The following FAM135B variants were observed in gnomAD, a reference collection of about 807,000 sequenced individuals.
FAM135B encodes family with sequence similarity 135 member B.
A neutral mutation model predicts 127.7 loss-of-function variants in FAM135B; 43 were observed. The ratio of observed to expected loss-of-function variants is 0.34; its 90% CI spans 0.26 to 0.43. The LOEUF (loss-of-function observed/expected upper bound fraction) is 0.43. FAM135B is among the 20% of genes least tolerant of loss of function. FAM135B has a pLI of 1.00. For missense variants in FAM135B, 1,558 were observed against 1,725.6 expected (o/e 0.90, Z 1.72); for synonymous variants, 670 against 665.1 (o/e 1.01, Z -0.11).
rs530786580 is a variant in FAM135B at position 138,452,424 on chromosome 8, A to G, written c.-20+44247T>C. ...GCATGAGCCACCTCGCCTGGCCCCA[A>G]TCTGCTTTTCAAAGTGGAGGTGACC... On this transcript the variant is annotated intron_variant, in intron 1 of 19. Coordinates refer to ENST00000395297, the MANE Select transcript of FAM135B (RefSeq NM_015912.4). Among the ~76,000 whole-genome samples, 441 of 152,154 alleles carry G rather than the reference A, an allele frequency of 2.9e-3. 1 individual carries two copies. The highest frequency in any genetic ancestry group is 0.01 in the African/African-American group (426 of 41,518).
chr8:138,274,956 T>C (rs1451484208), intron 3 of FAM135B, among the ~76,000 whole-genome samples: 1 of 151,636 alleles, frequency 6.6e-6, no homozygotes, highest in Non-Finnish European at 1.5e-5. Context: ...TTAATGCAAT[T>C]ATTACAGGGT....
intron 1 of FAM135B, among the ~76,000 whole-genome samples, chr8:138,378,701 A>T (rs1363339010): frequency 6.6e-6 from 1 of 151,970 alleles, no homozygotes; most frequent in Non-Finnish European, 1.5e-5. Flanking sequence ...TCTTTCCTTC[A>T]ATATAGAAAT....
chr8:138,203,909 A>G (rs1304614462), intron 7 of FAM135B, among the ~76,000 whole-genome samples: 1 of 152,312 alleles, frequency 6.6e-6, no homozygotes, highest in East Asian at 1.9e-4. Flanking sequence ...GATTCTCATA[A>G]GGAATGGGCA....
intron 2 of FAM135B, among the ~76,000 whole-genome samples, chr8:138,363,530 G>A (rs76897054): frequency 0.032 from 4,887 of 152,166 alleles, 155 homozygotes; most frequent in East Asian, 0.17. Flanking sequence ...GGGTGATATC[G>A]TATGATTCTT....
At chr8:138,235,321 A>T (rs1274066657) in intron 7 of FAM135B, among the ~76,000 whole-genome samples, 1 of 152,212 alleles carries the variant, frequency 6.6e-6, no homozygotes. Flanking sequence ...CTGCATCACA[A>T]ACCCCTTGCA....
intron 2 of FAM135B, among the ~76,000 whole-genome samples, chr8:138,344,577 C>CTTTTTTTTTTT (rs869039075): frequency 2.6e-4 from 22 of 83,940 alleles, no homozygotes; most frequent in African/African-American, 3.9e-4. Context: ...TTCTTTCTTT[C>CTTTTTTTTTTT]TTTTTTTTTT....
chr8:138,437,458 T>C (rs1427335022), intron 1 of FAM135B: 1 of 152,204 alleles, frequency 6.6e-6, no homozygotes, highest in Non-Finnish European at 1.5e-5. Context: ...CTTCACTCGA[T>C]ACCTCTCCTT....
chr8:138,218,041 C>T (rs1818706768), intron 7 of FAM135B, among the ~76,000 whole-genome samples: 1 of 152,132 alleles, frequency 6.6e-6, no homozygotes. Context: ...CCTCTTCACA[C>T]TAAGTATAAT....
intron 7 of FAM135B, among the ~76,000 whole-genome samples, chr8:138,214,993 G>T (rs912072439): frequency 2.0e-5 from 3 of 152,210 alleles, no homozygotes; most frequent in Admixed American, 6.5e-5. Context: ...ACAGTTTGTA[G>T]AAATCAGTCA....
chr8:138,258,219 T>C (rs554306957), intron 4 of FAM135B, among the ~76,000 whole-genome samples: 6 of 152,344 alleles, frequency 3.9e-5, no homozygotes, highest in Admixed American at 3.3e-4. Context: ...CCCACCTTTT[T>C]TGGTTTTTGT....
chr8:138,492,910 TCTTGAAAGGCAAGGAC>T (rs1815257629), intron 1 of FAM135B, among the ~76,000 whole-genome samples: 1 of 152,120 alleles, frequency 6.6e-6, no homozygotes, highest in Admixed American at 6.5e-5. Flanking sequence ...CATATTAAGC[TCTTGAAAGGCAAGGAC>T]CTTGTGTTGT....
Position 138,162,021 on chromosome 8 carries a change from C to T in FAM135B, c.1258+5874G>A, listed in dbSNP as rs142365164. Among the ~76,000 whole-genome samples, 784 of 152,178 alleles carry T rather than the reference C, an allele frequency of 5.2e-3. 1 individual carries two copies. Among genetic ancestry groups the T allele is most frequent in the African/African-American group, 0.017 (710 of 41,522 alleles). ...ATAATAATAAGCTCATTATTGTTTG[C>T]ATTGGTTTGAAAAAATTTGCTTCAA... On this transcript the variant is annotated intron_variant, in intron 12 of 19. Coordinates refer to ENST00000395297, the MANE Select transcript of FAM135B (RefSeq NM_015912.4).
At chr8:138,392,535 C>A (rs982491766) in intron 1 of FAM135B, among the ~76,000 whole-genome samples, 1 of 152,100 alleles carries the variant, frequency 6.6e-6, no homozygotes, top group African/African-American at 2.4e-5. Flanking sequence ...CTCCCCACCC[C>A]CTCACCTTCT....
In FAM135B at chr8:138,152,104, G is replaced by T. The variant is rs759362453; in HGVS notation, c.2371C>A (p.Gln791Lys). The T allele has an allele frequency of 4.3e-6, 7 of 1,613,832 alleles. No homozygotes were observed. In the Admixed American group the frequency reaches 1.2e-4, roughly 27 times the overall value. The change falls in exon 13 of 20, where the codon CAA becomes AAA. Residue 791 changes from glutamine to lysine, a missense_variant. Physicochemically the swap from Gln to Lys is moderately conservative, Grantham distance 53 (BLOSUM62 1). Around this residue, in one of 5 missense-constraint regions of FAM135B, gnomAD observed 923 missense variants for 865.3 expected, o/e 1.07. Coordinates refer to ENST00000395297, the MANE Select transcript of FAM135B (RefSeq NM_015912.4). ...EAAEDADTKQ[Q>K]DGGFAEPSDM... is the part of the protein sequence containing the mutation. ...GAAGGTTCAGCAAAACCTCCATCTT[G>T]CTGCTTGGTGTCCGCATCTTCAGCA...
chr8:138,338,844 A>G (rs1285326897), intron 2 of FAM135B, among the ~76,000 whole-genome samples: 1 of 152,190 alleles, frequency 6.6e-6, no homozygotes, highest in East Asian at 1.9e-4. Context: ...ACAATAGCAA[A>G]GACTTGGAAC....
intron 3 of FAM135B, among the ~76,000 whole-genome samples, chr8:138,284,357 C>A (rs1162657862): frequency 6.6e-6 from 1 of 152,126 alleles, no homozygotes; most frequent in Non-Finnish European, 1.5e-5. Context: ...CAGCCCGACT[C>A]CTGTGCAGAC....
intron 1 of FAM135B, among the ~76,000 whole-genome samples, chr8:138,397,491 A>T (rs1016357925): frequency 2.6e-5 from 4 of 152,248 alleles, no homozygotes; most frequent in Admixed American, 6.5e-5. Flanking sequence ...AGTTGATTTC[A>T]TATTATGTAA....
intron 6 of FAM135B, among the ~76,000 whole-genome samples, chr8:138,247,793 C>A (rs1290142284): frequency 6.6e-6 from 1 of 152,302 alleles, no homozygotes; most frequent in East Asian, 1.9e-4. Flanking sequence ...ACCTTCAGTG[C>A]CTCCTTTTTA....
At chr8:138,447,387 A>G (rs1369498093) in intron 1 of FAM135B, among the ~76,000 whole-genome samples, 2 of 152,118 alleles carry the variant, frequency 1.3e-5, no homozygotes, top group Non-Finnish European at 2.9e-5. Context: ...TCACAATAGC[A>G]AAGACTTGGA....
Sources: gnomAD v4.1 joint callset for allele counts (sites outside exome capture counted in the v4.1 genomes callset) on GRCh38, gnomAD v4.1.1 for gene constraint, gnomAD v4.1.1 regional missense constraint, MANE v1.5 for transcripts, NCBI Gene and HGNC (gene_info 2026-07-23, HGNC 2026-07-21) for gene names.